Variants in EPHA3 observed in about 807,000 individuals in gnomAD.
EPHA3 encodes the protein EPH receptor A3.
EPHA3 carries 42 observed loss-of-function variants against 107.1 expected under a neutral mutation model. The observed-to-expected ratio is 0.39, with a 90% CI of 0.31 to 0.51. The LOEUF (loss-of-function observed/expected upper bound fraction) is 0.51. Among genes scored for constraint, EPHA3 ranks in the 20% least tolerant of loss-of-function variants. EPHA3 has a pLI of 0.78. For synonymous variants in EPHA3, 461 were observed against 424.8 expected (o/e 1.09, Z -1.05); for missense variants, 1,183 against 1,211.2 (o/e 0.98, Z 0.35).
intron 15 of EPHA3, among the ~76,000 whole-genome samples, chr3:89,469,104 A>G (rs2107572312): frequency 6.6e-6 from 1 of 152,314 alleles, no homozygotes; most frequent in Admixed American, 6.5e-5. Flanking sequence ...AGTTAGTAAA[A>G]CTAAACTATA....
intron 3 of EPHA3, among the ~76,000 whole-genome samples, chr3:89,280,141 A>C (rs370897524): frequency 6.6e-6 from 1 of 152,006 alleles, no homozygotes; most frequent in East Asian, 1.9e-4. Flanking sequence ...TAATGGCATA[A>C]ATATTAAAAT....
intron 5 of EPHA3, among the ~76,000 whole-genome samples, chr3:89,343,165 T>C (rs749315604): frequency 6.6e-6 from 1 of 152,148 alleles, no homozygotes; most frequent in South Asian, 2.1e-4. Flanking sequence ...AATTATCTTA[T>C]CACCTAGGTC....
intron 2 of EPHA3, among the ~76,000 whole-genome samples, chr3:89,208,866 C>T (rs1396534793): frequency 6.6e-6 from 1 of 152,112 alleles, no homozygotes; most frequent in African/African-American, 2.4e-5. Flanking sequence ...GAAAACTTTA[C>T]ATTCAAGAAT....
At position 89,340,945 on chromosome 3, in the gene EPHA3, G is replaced by T; in HGVS notation, c.844G>T (p.Asp282Tyr). 1.2e-6 allele frequency: 2 copies of T among 1,613,286 alleles called. No individual in the cohort carries two copies. Among genetic ancestry groups the T allele is most frequent in the Non-Finnish European group, 1.7e-6 (2 of 1,179,684 alleles). The change falls in exon 4 of 17, where the codon GAT becomes TAT. Residue 282 changes from aspartate (D) to tyrosine (Y), a missense_variant. Transcript: ENST00000336596. Reference protein sequence around the residue: ...ACRPGFYKALDGNMKCAKCPP... With the variant: ...ACRPGFYKALYGNMKCAKCPP... ...TCGACCAGGTTTCTACAAGGCATTGGATGGTAATATGAAGTGTGCTAAGTG... is the reference window on the plus strand; with the variant it reads ...TCGACCAGGTTTCTACAAGGCATTGTATGGTAATATGAAGTGTGCTAAGTG...
Position 89,419,309 on chromosome 3 carries a change from A to G in EPHA3, c.1993A>G (p.Arg665Gly). ...AGTTGGCTACACAGAAAAGCAGAGG[A>G]GAGACTTCCTGGGAGAAGCAAGCAT... ...LKVGYTEKQR[R>G]DFLGEASIMG... Residue 665 changes from arginine to glycine, a missense_variant, in exon 11 of 17, where the codon AGA (arginine) becomes GGA (glycine). By Grantham distance (125) the Arg-to-Gly change is moderately radical. Coordinates refer to ENST00000336596, the MANE Select transcript of EPHA3 (RefSeq NM_005233.6). The G allele has an allele frequency of 6.2e-7, 1 of 1,610,606 alleles. No homozygotes were observed.
At chr3:89,350,149 T>C (rs1559658523) in intron 5 of EPHA3, among the ~76,000 whole-genome samples, 1 of 151,056 alleles carries the variant, frequency 6.6e-6, no homozygotes. Flanking sequence ...ATTTCCTGAA[T>C]GTGAACGTTG....
chr3:89,121,782 G>A (rs917821890), intron 1 of EPHA3, among the ~76,000 whole-genome samples: 1 of 151,610 alleles, frequency 6.6e-6, no homozygotes, highest in South Asian at 2.1e-4. Context: ...TTATGCTTGG[G>A]TAGAAAGAAA....
At chr3:89,441,396 T>G (rs1235290174) in intron 13 of EPHA3, among the ~76,000 whole-genome samples, 1 of 152,220 alleles carries the variant, frequency 6.6e-6, no homozygotes, top group Admixed American at 6.5e-5. Flanking sequence ...TCCAAGCAAC[T>G]GGAAGCTTTT....
At chr3:89,443,911 G>T (rs531002040) in intron 13 of EPHA3, among the ~76,000 whole-genome samples, 1 of 151,942 alleles carries the variant, frequency 6.6e-6, no homozygotes, top group African/African-American at 2.4e-5. Context: ...CCCAGTTACA[G>T]AAAAAAGGAA....
intron 4 of EPHA3, among the ~76,000 whole-genome samples, chr3:89,341,281 T>C (rs1707514982): frequency 6.6e-6 from 1 of 152,230 alleles, no homozygotes; most frequent in African/African-American, 2.4e-5. Flanking sequence ...AAGCACTTCC[T>C]GCAACACAAC....
intron 2 of EPHA3, among the ~76,000 whole-genome samples, chr3:89,154,648 G>A (rs904793113): frequency 2.6e-5 from 4 of 151,346 alleles, no homozygotes; most frequent in African/African-American, 9.7e-5. Flanking sequence ...CAGCCATTTT[G>A]TAAACAACTC....
At chr3:89,213,264 T>C (rs953657034) in intron 3 of EPHA3, among the ~76,000 whole-genome samples, 3 of 151,986 alleles carry the variant, frequency 2.0e-5, no homozygotes, top group Non-Finnish European at 4.4e-5. Context: ...GAAATGTCTT[T>C]TCTTAGAAAC....
chr3:89,419,714 C>G (rs1428485275), intron 11 of EPHA3, among the ~76,000 whole-genome samples: 1 of 151,414 alleles, frequency 6.6e-6, no homozygotes, highest in Non-Finnish European at 1.5e-5. Context: ...CAAAGAAAAA[C>G]AATGACTCAA....
At chr3:89,251,219 A>G (rs1312776656) in intron 3 of EPHA3, among the ~76,000 whole-genome samples, 1 of 152,112 alleles carries the variant, frequency 6.6e-6, no homozygotes, top group South Asian at 2.1e-4. Context: ...AATCTTCCAG[A>G]ATAAAAAACA....
At chr3:89,314,391 T>A (rs947459687) in intron 3 of EPHA3, among the ~76,000 whole-genome samples, 1 of 151,998 alleles carries the variant, frequency 6.6e-6, no homozygotes, top group African/African-American at 2.4e-5. Flanking sequence ...AAATAAGATT[T>A]TTTTTTCAAA....
chr3:89,391,359 T>C (rs9844971), intron 5 of EPHA3, among the ~76,000 whole-genome samples: 38,795 of 150,964 alleles, frequency 0.26, 5,212 homozygotes, highest in African/African-American at 0.28. Flanking sequence ...GTCTTAACTA[T>C]TTTTTTCTCC....
rs755956785 is a variant in EPHA3 at position 89,399,465 on chromosome 3, G to C, written c.1579G>C (p.Glu527Gln). 3.7e-6 allele frequency: 6 copies of C among 1,614,126 alleles called. No homozygotes were observed. Among genetic ancestry groups the C allele is most frequent in the Non-Finnish European group, 5.1e-6 (6 of 1,180,020 alleles). The change falls in exon 7 of 17, where the codon GAA becomes CAA. Residue 527 changes from glutamate to glutamine, a missense_variant. Coordinates refer to ENST00000336596, the MANE Select transcript of EPHA3 (RefSeq NM_005233.6). ...GACGAACAGCCGCAAGTTTGAGTTT[G>C]AAACTAGTCCAGACTGTATGTATTA... ...YGTNSRKFEFETSPDSFSISG... is the reference protein window; with the variant it reads ...YGTNSRKFEFQTSPDSFSISG...
intron 10 of EPHA3, among the ~76,000 whole-genome samples, chr3:89,415,833 A>T (rs1033969686): frequency 8.6e-5 from 13 of 151,480 alleles, no homozygotes; most frequent in African/African-American, 2.9e-4. Flanking sequence ...TCTCCATTTC[A>T]GCACGTGAAT....
At chr3:89,451,549 C>T (rs1274954226) in intron 15 of EPHA3, among the ~76,000 whole-genome samples, 1 of 151,954 alleles carries the variant, frequency 6.6e-6, no homozygotes, top group Non-Finnish European at 1.5e-5. Context: ...TGAAACATTC[C>T]TCTTGACAAC....
Sources: allele counts gnomAD v4.1 joint callset (sites outside exome capture counted in the v4.1 genomes callset), GRCh38; gene constraint gnomAD v4.1.1; transcripts MANE v1.5; gene names NCBI Gene and HGNC (gene_info 2026-07-23, HGNC 2026-07-21).